Variants in WDFY3 observed in about 807,000 individuals in gnomAD.
WDFY3 encodes WD repeat and FYVE domain-containing protein 3.
Under a neutral mutation model 409.6 loss-of-function variants are expected in WDFY3, and 66 were observed. The observed-to-expected ratio is 0.16, with a 90% CI of 0.13 to 0.20. The LOEUF (loss-of-function observed/expected upper bound fraction) is 0.20, where lower values mean the gene tolerates loss of function less well. WDFY3 is among the 10% of genes least tolerant of loss of function. The pLI is 1.00. For missense variants in WDFY3, 3,031 were observed against 4,298.1 expected (o/e 0.71, Z 8.24); for synonymous variants, 1,521 against 1,537.1 (o/e 0.99, Z 0.25).
At chr4:84,918,308 T>C (rs1030248899) in intron 2 of WDFY3, among the ~76,000 whole-genome samples, 29 of 152,028 alleles carry the variant, frequency 1.9e-4, no homozygotes, top group African/African-American at 6.0e-4. Context: ...TACACAAACA[T>C]AGAAAAGAAG....
rs760177607 is a variant in WDFY3, at chr4:84,821,394, C to T, written c.1281G>A (p.Leu427=). The stretch of plus-strand genomic sequence containing the variant: ...TAGAAATCTTCTCTGCAAACTGTGA[C>T]AATGTGTGCTGTGACTCTAGGATGA... ...NYFILESQHT[L]SQFAEKISKL... Residue 427 remains leucine (L), a synonymous_variant, in exon 11 of 68, where the codon TTG becomes TTA. Transcript: ENST00000295888. 8.1e-6 allele frequency: 13 copies of T among 1,613,720 alleles called. No individual in the cohort carries two copies. The East Asian group carries it at 1.6e-4, about 19-fold the overall frequency.
At position 84,821,270 on chromosome 4, in the gene WDFY3, G is replaced by C. The variant is rs764603235; in HGVS notation, c.1405C>G (p.Leu469Val). The C allele has an allele frequency of 6.2e-7, 1 of 1,613,682 alleles. No individual in the cohort carries two copies. Among genetic ancestry groups the C allele is most frequent in the South Asian group, 1.1e-5 (1 of 91,084 alleles). The part of the protein sequence containing the change: ...PCKELISVSI[L>V]LKSSSSYHCS... The stretch of plus-strand genomic sequence containing the variant: ...TGATAAGAAGAGCTAGATTTTAAGA[G>C]GATACTGACACTAATAAGTTCTTTA... The change falls in exon 11 of 68, where the codon CTC (leucine) becomes GTC (valine). Residue 469 changes from leucine to valine, a missense_variant. Coordinates refer to ENST00000295888, the MANE Select transcript of WDFY3 (RefSeq NM_014991.6).
chr4:84,760,351 A>G (rs905737626), intron 32 of WDFY3, among the ~76,000 whole-genome samples: 10 of 151,756 alleles, frequency 6.6e-5, no homozygotes, highest in Non-Finnish European at 1.0e-4. Flanking sequence ...CTCTTTTTCT[A>G]TTGATTGGAA....
At chr4:84,882,082 T>C (rs981617241) in intron 3 of WDFY3, among the ~76,000 whole-genome samples, 5 of 152,278 alleles carry the variant, frequency 3.3e-5, no homozygotes, top group Non-Finnish European at 7.4e-5. Flanking sequence ...CTTTGCTCTC[T>C]GTAAGAATGC....
chr4:84,863,756 A>T (rs1760989271), intron 3 of WDFY3, among the ~76,000 whole-genome samples: 2 of 152,160 alleles, frequency 1.3e-5, no homozygotes, highest in Non-Finnish European at 2.9e-5. Context: ...ATTCTTCTGC[A>T]TGAGGATATC....
rs1756655140 is a variant in WDFY3, at chr4:84,836,924, C to T, written c.576+5G>A. The T allele has an allele frequency of 1.3e-6, 2 of 1,555,804 alleles. No individual in the cohort carries two copies. The highest frequency in any genetic ancestry group is 4.7e-5 in the East Asian group (2 of 42,374). ...GTGGAGGTAGGCAAATAGCACCTTT[C>T]ATACCTGTACAAAAACTTTCTGGAG... On this transcript the variant is annotated splice_donor_5th_base_variant and intron_variant, in intron 7 of 67. Transcript: ENST00000295888.
Position 84,789,716 on chromosome 4 carries a change from A to G in WDFY3, c.3669+10T>C. The G allele has an allele frequency of 1.2e-6, 2 of 1,613,644 alleles. No homozygotes were observed. Among genetic ancestry groups the G allele is most frequent in the East Asian group, 4.5e-5 (2 of 44,880 alleles). ...AAAACAGGTAGATTTACAAGTGCAC[A>G]TACACTTACCTTTACAGTGTTAACA... On this transcript the variant is annotated intron_variant, in intron 22 of 67. Transcript: ENST00000295888.
intron 29 of WDFY3, among the ~76,000 whole-genome samples, chr4:84,774,618 T>C (rs956126979): frequency 6.6e-6 from 1 of 152,240 alleles, no homozygotes; most frequent in Non-Finnish European, 1.5e-5. Context: ...TACTATTCAC[T>C]AGTGGCAACA....
At chr4:84,959,618 T>C (rs1428679470) in intron 1 of WDFY3, among the ~76,000 whole-genome samples, 1 of 152,156 alleles carries the variant, frequency 6.6e-6, no homozygotes, top group Non-Finnish European at 1.5e-5. Flanking sequence ...ACAGAACAGG[T>C]GCTAACAGCA....
At chr4:84,796,817 G>T in intron 18 of WDFY3, 65 bp from the exon 19 acceptor site, 3 of 1,355,462 alleles carry the variant, frequency 2.2e-6, no homozygotes, top group East Asian at 2.4e-5. Context: ...TTACAAGGCT[G>T]ATTTATTTGT....
chr4:84,816,041 T>C (rs1276396048), intron 13 of WDFY3, among the ~76,000 whole-genome samples: 1 of 152,136 alleles, frequency 6.6e-6, no homozygotes, highest in Non-Finnish European at 1.5e-5. Flanking sequence ...ACTTACTTAA[T>C]TGCTTATTTT....
intron 22 of WDFY3, among the ~76,000 whole-genome samples, chr4:84,789,497 G>GTACC (rs1249984105): frequency 1.3e-5 from 2 of 152,102 alleles, no homozygotes; most frequent in African/African-American, 4.8e-5. Flanking sequence ...AACTTCTTTA[G>GTACC]TACCTATAAG....
chr4:84,928,299 A>G (rs1381403991), intron 2 of WDFY3, among the ~76,000 whole-genome samples: 2 of 152,154 alleles, frequency 1.3e-5, no homozygotes, highest in Non-Finnish European at 2.9e-5. Context: ...TGAGAGTTAC[A>G]GCATTGGCTT....
In WDFY3 at chr4:84,787,599, C is replaced by A; in HGVS notation, c.3784G>T (p.Val1262Phe). The A allele has an allele frequency of 5.6e-6, 9 of 1,614,136 alleles. No individual in the cohort carries two copies. Among genetic ancestry groups the A allele is most frequent in the Non-Finnish European group, 7.6e-6 (9 of 1,180,018 alleles). Residue 1262 changes from valine to phenylalanine, a missense_variant, in exon 23 of 68, where the codon GTT (valine) becomes TTT (phenylalanine). Val to Phe is a conservative substitution (Grantham distance 50, BLOSUM62 -1). Coordinates refer to ENST00000295888, the MANE Select transcript of WDFY3 (RefSeq NM_014991.6). ...AAATGTGTGGGTCCCAGGCGCCAAA[C>A]CAATGAGGCAATTTGGCGTTGGGCA... is the stretch of plus-strand genomic sequence containing the variant. ...PPAQRQIASL[V>F]WRLGPTHFLE... is the part of the protein sequence containing the mutation.
chr4:84,793,848 C>T (rs1329429445), intron 21 of WDFY3, among the ~76,000 whole-genome samples: 2 of 152,014 alleles, frequency 1.3e-5, no homozygotes, highest in Non-Finnish European at 2.9e-5. Flanking sequence ...AACCACATGT[C>T]AATTAATATG....
At chr4:84,847,800 A>C (rs1385283546) in intron 5 of WDFY3, among the ~76,000 whole-genome samples, 1 of 149,316 alleles carries the variant, frequency 6.7e-6, no homozygotes, top group Non-Finnish European at 1.5e-5. Flanking sequence ...CAAAAAAAAA[A>C]ACAAAAAAAA....
intron 32 of WDFY3, among the ~76,000 whole-genome samples, chr4:84,765,476 G>T (rs1743466795): frequency 6.6e-6 from 1 of 152,102 alleles, no homozygotes; most frequent in Non-Finnish European, 1.5e-5. Context: ...CACACAGTAA[G>T]TACTCAAAAT....
rs145796618 is a variant in WDFY3 at position 84,851,609 on chromosome 4, C to A, written c.181-1584G>T. ...AAGAAAACTAAATAAAAATCTAAGA[C>A]TGGAAAGACCTCTATATTTTCCATG... On this transcript the variant is annotated intron_variant, in intron 4 of 67. Transcript: ENST00000295888. Among the ~76,000 whole-genome samples, 1,333 of 152,284 alleles carry A rather than the reference C, an allele frequency of 8.8e-3. 8 individuals carry two copies. Among genetic ancestry groups the A allele is most frequent in the Non-Finnish European group, 0.013 (857 of 68,030 alleles).
Position 84,786,061 on chromosome 4 carries a change from T to C in WDFY3, c.3980A>G (p.Tyr1327Cys), listed in dbSNP as rs149161665. ...TGTTAGAGACGACACAGAGAGTGCATAGAGGCCAAATGACACTTTCTCCTC... is the reference window on the plus strand; with the variant it reads ...TGTTAGAGACGACACAGAGAGTGCACAGAGGCCAAATGACACTTTCTCCTC... ...VPEEKVSFGL[Y>C]ALSVSSLTVA... is the part of the protein sequence containing the mutation. The change falls in exon 24 of 68, where the codon TAT becomes TGT. Residue 1327 changes from tyrosine to cysteine, a missense_variant. Coordinates refer to ENST00000295888, the MANE Select transcript of WDFY3 (RefSeq NM_014991.6). 1.1e-4 allele frequency: 171 copies of C among 1,613,986 alleles called. 2 individuals carry two copies. In the Admixed American group the frequency reaches 1.7e-3, roughly 16 times the overall value.
Sources: allele counts gnomAD v4.1 joint callset (sites outside exome capture counted in the v4.1 genomes callset), GRCh38; gene constraint gnomAD v4.1.1; transcripts MANE v1.5; gene names NCBI Gene and HGNC (gene_info 2026-07-23, HGNC 2026-07-21).